ZMYM4: variants seen among roughly 807,000 people sequenced by gnomAD.
ZMYM4 encodes zinc finger MYM-type protein 4.
Under a neutral mutation model 183.2 loss-of-function variants are expected in ZMYM4, and 31 were observed. That is an observed-to-expected ratio of 0.17 (90% CI 0.13 to 0.23). ZMYM4 has a LOEUF of 0.23. Ranked by LOEUF, ZMYM4 falls within the 10% of genes least tolerant of loss-of-function variation. The probability of loss-of-function intolerance (pLI) is 1.00; values close to 1 mark genes in which losing one functional copy is unlikely to be tolerated. For synonymous variants in ZMYM4, 592 were observed against 631.2 expected, an observed-to-expected ratio of 0.94 and a Z score of 0.93; for missense variants, 1,273 against 1,840.3, an observed-to-expected ratio of 0.69 and a Z score of 5.64.
At position 35,409,872 on chromosome 1, in the gene ZMYM4, A is replaced by G. The variant is rs376338231; in HGVS notation, c.3948+1713A>G. ...GGAGAATCGCTTGAACCCAGGAGGC[A>G]GAGTTTGCAGTGAGCCAAGATCGCG... On this transcript the variant is annotated intron_variant, in intron 26 of 29. Coordinates refer to ENST00000314607, the MANE Select transcript of ZMYM4 (RefSeq NM_005095.3). 4.0e-3 allele frequency among the ~76,000 whole-genome samples: 603 copies of G among 151,834 alleles called. 5 individuals carry two copies. The highest frequency in any genetic ancestry group is 4.8e-3 in the Non-Finnish European group (327 of 67,932).
intron 2 of ZMYM4, among the ~76,000 whole-genome samples, chr1:35,349,567 C>G (rs966713344): frequency 6.6e-6 from 1 of 152,052 alleles, no homozygotes; most frequent in Admixed American, 6.6e-5. Flanking sequence ...GTGGCTCATG[C>G]CTGTAATCCT....
At chr1:35,291,216 A>T (rs543062939) in intron 1 of ZMYM4, among the ~76,000 whole-genome samples, 1 of 152,194 alleles carries the variant, frequency 6.6e-6, no homozygotes, top group South Asian at 2.1e-4. Context: ...AGTTCTTTAT[A>T]TATTTTGGAT....
At chr1:35,303,063 C>G (rs1170619558) in intron 1 of ZMYM4, among the ~76,000 whole-genome samples, 1 of 148,986 alleles carries the variant, frequency 6.7e-6, no homozygotes, top group African/African-American at 2.5e-5. Context: ...TCACTTGAGT[C>G]TAGGAGTTCG....
chr1:35,296,346 A>G (rs990070722), intron 1 of ZMYM4, among the ~76,000 whole-genome samples: 1 of 140,962 alleles, frequency 7.1e-6, no homozygotes, highest in African/African-American at 2.6e-5. Context: ...ACAACCAGAG[A>G]AGCCACTAGC....
intron 2 of ZMYM4, among the ~76,000 whole-genome samples, chr1:35,330,074 A>G (rs1642671758): frequency 6.6e-6 from 1 of 151,876 alleles, no homozygotes; most frequent in East Asian, 1.9e-4. Flanking sequence ...AAATAGTTGA[A>G]TGTGGTGGTG....
chr1:35,416,668 A>G (rs1490815816), intron 28 of ZMYM4, among the ~76,000 whole-genome samples: 1 of 152,128 alleles, frequency 6.6e-6, no homozygotes, highest in African/African-American at 2.4e-5. Flanking sequence ...GGTTCAAGCA[A>G]TTCTCCTGCC....
chr1:35,284,769 C>T (rs1448388935), intron 1 of ZMYM4, among the ~76,000 whole-genome samples: 1 of 152,174 alleles, frequency 6.6e-6, no homozygotes, highest in African/African-American at 2.4e-5. Context: ...GCTCTGTGCT[C>T]ATGTGATTTC....
At chr1:35,286,542 G>A (rs1640493737) in intron 1 of ZMYM4, among the ~76,000 whole-genome samples, 1 of 150,796 alleles carries the variant, frequency 6.6e-6, no homozygotes, top group South Asian at 2.1e-4. Flanking sequence ...ATGAGATGGT[G>A]TAAGTTGCTT....
intron 2 of ZMYM4, among the ~76,000 whole-genome samples, chr1:35,348,123 T>G (rs983874569): frequency 2.6e-5 from 4 of 152,220 alleles, no homozygotes; most frequent in African/African-American, 9.6e-5. Context: ...ACAATTTGTT[T>G]TATAAAATGG....
intron 16 of ZMYM4, 128 bp downstream of exon 16, chr1:35,392,480 C>T (rs1170823646): frequency 7.5e-7 from 1 of 1,331,480 alleles, no homozygotes; most frequent in African/African-American, 1.5e-5. Context: ...TGGCTTGCTG[C>T]ACAAGTTTCA....
At chr1:35,407,613 T>G (rs999443344) in intron 25 of ZMYM4, among the ~76,000 whole-genome samples, 1 of 152,228 alleles carries the variant, frequency 6.6e-6, no homozygotes, top group African/African-American at 2.4e-5. Flanking sequence ...GACTAGTATT[T>G]TGTGGACTCT....
At chr1:35,322,606 G>C (rs1049541677) in intron 1 of ZMYM4, among the ~76,000 whole-genome samples, 19 of 152,168 alleles carry the variant, frequency 1.2e-4, no homozygotes, top group African/African-American at 4.6e-4. Flanking sequence ...AAAAGTTTCA[G>C]TAGAAATAGT....
chr1:35,374,409 A>G (rs1357781073), intron 7 of ZMYM4, among the ~76,000 whole-genome samples: 1 of 152,220 alleles, frequency 6.6e-6, no homozygotes, highest in Admixed American at 6.5e-5. Context: ...TTATTTTGCC[A>G]TGAAATCATT....
intron 13 of ZMYM4, among the ~76,000 whole-genome samples, chr1:35,388,480 C>T (rs921475619): frequency 6.6e-6 from 1 of 152,180 alleles, no homozygotes; most frequent in Non-Finnish European, 1.5e-5. Flanking sequence ...GCTGGGATTA[C>T]AGGTGTGAGC....
chr1:35,351,699 AAAAAC>A (rs915449053), intron 2 of ZMYM4: 1 of 480,144 alleles, frequency 2.1e-6, no homozygotes, highest in African/African-American at 2.0e-5. Flanking sequence ...CAAAAAAACA[AAAAAC>A]AAAAATGTGC....
chr1:35,411,712 A>G (rs1639905344), intron 26 of ZMYM4, among the ~76,000 whole-genome samples: 1 of 152,208 alleles, frequency 6.6e-6, no homozygotes, highest in South Asian at 2.1e-4. Flanking sequence ...ACATCATTAA[A>G]TCTTCTGATC....
chr1:35,387,247 T>C lies in ZMYM4; in HGVS notation c.2081T>C (p.Phe694Ser). The C allele has an allele frequency of 6.2e-7, 1 of 1,614,128 alleles. No individual in the cohort carries two copies. The highest frequency in any genetic ancestry group is 8.5e-7 in the Non-Finnish European group (1 of 1,179,972). ...AAATGTCAACACTGTAACCGTCTTTTTGCCACAAAACCAGAACTTCTTGAC... is the reference window on the plus strand; with the variant it reads ...AAATGTCAACACTGTAACCGTCTTTCTGCCACAAAACCAGAACTTCTTGAC... ...KLKCQHCNRL[F>S]ATKPELLDYK... is the part of the protein sequence containing the mutation. The change falls in exon 12 of 30, where the codon TTT becomes TCT. Residue 694 changes from phenylalanine to serine, a missense_variant. Physicochemically the swap from Phe to Ser is radical, Grantham distance 155. Transcript: ENST00000314607.
chr1:35,351,196 TG>T, intron 2 of ZMYM4: 1 of 1,362,644 alleles, frequency 7.3e-7, no homozygotes, highest in Non-Finnish European at 1.0e-6. Flanking sequence ...AATAAAGTTT[TG>T]GGTACCCTGA....
At chr1:35,401,441 G>T (rs750982431) in intron 23 of ZMYM4, among the ~76,000 whole-genome samples, 8 of 152,124 alleles carry the variant, frequency 5.3e-5, no homozygotes, top group Non-Finnish European at 8.8e-5. Context: ...TTGGTAAAGT[G>T]TTTATTCACA....
Sources: gnomAD v4.1 joint callset for allele counts (sites outside exome capture counted in the v4.1 genomes callset) on GRCh38, gnomAD v4.1.1 for gene constraint, MANE v1.5 for transcripts, NCBI Gene and HGNC (gene_info 2026-07-23, HGNC 2026-07-21) for gene names.